LAT: variants seen among roughly 807,000 people sequenced by gnomAD.
LAT encodes the protein linker for activation of T-cells family member 1.
In LAT, 12 loss-of-function variants were observed where a neutral mutation model predicts 39.1. The observed-to-expected ratio is 0.31, with a 90% confidence interval of 0.20 to 0.50. LAT has a LOEUF of 0.50. Among genes scored for constraint, LAT ranks in the 20% least tolerant of loss-of-function variants. The pLI is 0.98. For synonymous variants in LAT, 117 were observed against 123.8 expected (o/e 0.95, Z 0.36); for missense variants, 253 against 308.0 (o/e 0.82, Z 1.34).
chr16:28,985,897 A>G lies in LAT; in HGVS notation c.163+9A>G. 6.2e-7 allele frequency: 1 copy of G among 1,614,010 alleles called. No homozygotes were observed. The highest frequency in any genetic ancestry group is 8.5e-7 in the Non-Finnish European group (1 of 1,179,902). On this transcript the variant is annotated intron_variant, in intron 3 of 11. Coordinates refer to ENST00000395456, the MANE Select transcript of LAT (RefSeq NM_001014987.2). This position sits in a 1 kb window ranked among gnomAD's most constrained non-coding sequence, Gnocchi z 4.6. ...CCAGTTCAAACGGCCTCGTGAGTAC[A>G]AGGAGGGTCCCCTACCTTGGGTGCC...
chr16:28,986,766 C>A lies in LAT; in HGVS notation c.399-33C>A. ...GTGAGGGCTGAGGCTGTGCGTCCCC[C>A]CTTGCTCACCGGCCCTTTTCACTTC... On this transcript the variant is annotated intron_variant, in intron 7 of 11. Coordinates refer to ENST00000395456, the MANE Select transcript of LAT (RefSeq NM_001014987.2). The surrounding 1 kb of genome is among the most constrained non-coding windows in gnomAD (Gnocchi z 5.7). The A allele has an allele frequency of 1.2e-6, 2 of 1,610,920 alleles. No homozygotes were observed. Among genetic ancestry groups the A allele is most frequent in the Non-Finnish European group, 1.7e-6 (2 of 1,178,152 alleles).
rs1039742239 is a variant in LAT at position 28,985,074 on chromosome 16, C to T, written c.-344C>T. On this transcript the variant is annotated 5_prime_UTR_variant, in exon 1 of 12. Transcript: ENST00000395456. The surrounding 1 kb of genome is among the most constrained non-coding windows in gnomAD (Gnocchi z 4.6). ...ACCACAGCTTCCTGCCGCAGGCGGG[C>T]GGGAGGGCGGGCACGGAGAGGCGGG... The T allele has an allele frequency of 4.3e-5, 61 of 1,422,388 alleles. No homozygotes were observed. Among genetic ancestry groups the T allele is most frequent in the Middle Eastern group, 2.6e-4 (1 of 3,846 alleles). The allele number at this position is 1,422,388 out of a possible 1,614,324, so 88.1% of individuals were successfully genotyped here. A position where few individuals can be genotyped will look rare whatever the true frequency, so the allele number is the denominator to read the frequency against.
At chr16:28,989,414 C>A in intron 8 of LAT, 113 bp from the exon 9 acceptor site, 1 of 880,248 alleles carries the variant, frequency 1.1e-6, no homozygotes, top group Non-Finnish European at 1.8e-6. Context: ...GTGTGGGAAG[C>A]CTCTGGGGTC....
chr16:28,989,601 G>A lies in LAT; in HGVS notation c.556+12G>A, dbSNP rs774640143. 4.4e-6 allele frequency: 7 copies of A among 1,605,116 alleles called. No individual in the cohort carries two copies. In the African/African-American group the frequency reaches 8.0e-5, roughly 18 times the overall value. On this transcript the variant is annotated intron_variant, in intron 9 of 11. Coordinates refer to ENST00000395456, the MANE Select transcript of LAT (RefSeq NM_001014987.2). The stretch of plus-strand genomic sequence containing the variant: ...AGAAGCGTCTCTGGGTGAGTGACCG[G>A]TGCTTGTCGGTGCCTGCCCCTGCAC...
chr16:28,990,436 C>A lies in LAT; in HGVS notation c.*255C>A. ...CCTACTCTGTGTAATAGAATAAAGG[C>A]CTGCGTGTGTCTGTGTTGAGCGTGC... On this transcript the variant is annotated 3_prime_UTR_variant, in exon 12 of 12. Transcript: ENST00000395456. The A allele has an allele frequency of 2.8e-6, 1 of 359,726 alleles. No homozygotes were observed. The highest frequency in any genetic ancestry group is 5.5e-6 in the Non-Finnish European group (1 of 182,354). 22.3% of individuals were successfully genotyped at this position (359,726 alleles called of 1,614,324 possible).
chr16:28,986,169 T>C lies in LAT; in HGVS notation c.198T>C (p.Pro66=), dbSNP rs1206229508. The stretch of plus-strand genomic sequence containing the variant: ...CCCCCTGGCCACCTGCCTACCCACC[T>C]GTCACCTCCTACCCACCCCTGAGCC... ...TVAPWPPAYP[P]VTSYPPLSQP... is the part of the protein sequence containing the mutation. The change falls in exon 4 of 12, where the codon CCT becomes CCC. Residue 66 remains proline (P), a synonymous_variant. Transcript: ENST00000395456. The surrounding 1 kb of genome is among the most constrained non-coding windows in gnomAD (Gnocchi z 5.7). 2 of 1,604,618 alleles carry C rather than the reference T, an allele frequency of 1.2e-6. No individual in the cohort carries two copies. Among genetic ancestry groups the C allele is most frequent in the South Asian group, 1.1e-5 (1 of 89,654 alleles).
chr16:28,984,907 G>T (rs535376435), upstream of LAT: 30 of 1,547,500 alleles, frequency 1.9e-5, 1 homozygote, highest in Admixed American at 2.2e-4. Context: ...CCCCGTCTTG[G>T]GGGGGGCCAG....
At position 28,989,849 on chromosome 16, in the gene LAT, G is replaced by T; in HGVS notation, c.622+10G>T. ...GCTAAGACTGAGCCTGGTGTGTTCTGCGGGAGGGGCAGGAGCTGGGGTAGC... is the reference window on the plus strand; with the variant it reads ...GCTAAGACTGAGCCTGGTGTGTTCTTCGGGAGGGGCAGGAGCTGGGGTAGC... On this transcript the variant is annotated intron_variant, in intron 10 of 11. Transcript: ENST00000395456. 2 of 1,614,172 alleles carry T rather than the reference G, an allele frequency of 1.2e-6. No homozygotes were observed. Among genetic ancestry groups the T allele is most frequent in the South Asian group, 2.2e-5 (2 of 91,086 alleles).
chr16:28,986,260 C>T lies in LAT; in HGVS notation c.245+44C>T, dbSNP rs766185217. 1 of 1,544,250 alleles carries T rather than the reference C, an allele frequency of 6.5e-7. No individual in the cohort carries two copies. The highest frequency in any genetic ancestry group is 1.2e-5 in the South Asian group (1 of 85,276). ...CCTGCCCCTCCAAAGCTCAGCCCCT[C>T]CCCCTCCAAACTCCACTCTCTACCC... On this transcript the variant is annotated intron_variant, in intron 4 of 11. Transcript: ENST00000395456. The surrounding 1 kb of genome is among the most constrained non-coding windows in gnomAD (Gnocchi z 5.7).
At position 28,986,197 on chromosome 16, in the gene LAT, C is replaced by G; in HGVS notation, c.226C>G (p.Pro76Ala). The change falls in exon 4 of 12, where the codon CCA becomes GCA. Residue 76 changes from proline (P) to alanine (A), a missense_variant. Pro to Ala is a conservative substitution (Grantham distance 27). Transcript: ENST00000395456. This position sits in a 1 kb window ranked among gnomAD's most constrained non-coding sequence, Gnocchi z 5.7. ...PVTSYPPLSQ[P>A]DLLPIPRSPQ... ...CACCTCCTACCCACCCCTGAGCCAG[C>G]CAGACCTGCTCCCCATCCCGTGAGT... The G allele has an allele frequency of 6.2e-7, 1 of 1,601,912 alleles. No individual in the cohort carries two copies. The highest frequency in any genetic ancestry group is 8.5e-7 in the Non-Finnish European group (1 of 1,173,594).
chr16:28,989,885 T>C (rs752247158), intron 10 of LAT, 46 bp downstream of exon 10: 1 of 1,613,870 alleles, frequency 6.2e-7, no homozygotes, highest in South Asian at 1.1e-5. Context: ...TGCTTTGGGC[T>C]TGGGGGGATA....
chr16:28,985,423 G>C lies in LAT; in HGVS notation c.6G>C (p.Glu2Asp), dbSNP rs1227761802. MEEAILVPCVLG... is the reference protein window; with the variant it reads MDEAILVPCVLG... ...TGCTCCGAGCTCCCCTGCAGATGGA[G>C]GAGGCCATCCTGGTCCCCTGCGTGC... The change falls in exon 1 of 12, where the codon GAG (glutamate) becomes GAC (aspartate). Residue 2 changes from glutamate to aspartate, a missense_variant. Coordinates refer to ENST00000395456, the MANE Select transcript of LAT (RefSeq NM_001014987.2). This position sits in a 1 kb window ranked among gnomAD's most constrained non-coding sequence, Gnocchi z 4.6. 2 of 1,613,662 alleles carry C rather than the reference G, an allele frequency of 1.2e-6. No homozygotes were observed. The highest frequency in any genetic ancestry group is 4.5e-5 in the East Asian group (2 of 44,880).
chr16:28,990,198 A>C lies in LAT; in HGVS notation c.*17A>C, dbSNP rs753133124. ...CCCTGGTGTGTTTCAGTGGAGGCCG[A>C]GTCTGTCCTGGAACCAGGCTTGCCT... On this transcript the variant is annotated 3_prime_UTR_variant, in exon 12 of 12. Coordinates refer to ENST00000395456, the MANE Select transcript of LAT (RefSeq NM_001014987.2). 1 of 714,324 alleles carries C rather than the reference A, an allele frequency of 1.4e-6. No individual in the cohort carries two copies. Among genetic ancestry groups the C allele is most frequent in the Non-Finnish European group, 2.5e-6 (1 of 397,030 alleles). The allele number at this position is 714,324 out of a possible 1,614,324, so 44.2% of individuals were successfully genotyped here.
chr16:28,989,865 C>A (rs751514242), intron 10 of LAT, 26 bp downstream of exon 10: 1 of 1,614,016 alleles, frequency 6.2e-7, no homozygotes, highest in Admixed American at 1.7e-5. Flanking sequence ...GGGGCAGGAG[C>A]TGGGGTAGCT....
At position 28,986,436 on chromosome 16, in the gene LAT, T is replaced by A; in HGVS notation, c.300T>A (p.Asp100Glu). Residue 100 changes from aspartate to glutamate, a missense_variant, in exon 5 of 12, where the codon GAT (aspartate) becomes GAA (glutamate). Transcript: ENST00000395456. The surrounding 1 kb of genome is among the most constrained non-coding windows in gnomAD (Gnocchi z 5.7). Reference sequence around the variant, plus strand: ...ACCGGACGCCATCTTCCCGGCGGGATTCTGATGGTGGTAAGTGTGGGGAAG... The same window carrying A: ...ACCGGACGCCATCTTCCCGGCGGGAATCTGATGGTGGTAAGTGTGGGGAAG... ...GSHRTPSSRR[D>E]SDGANSVASY... 1 of 1,613,812 alleles carries A rather than the reference T, an allele frequency of 6.2e-7. No individual in the cohort carries two copies. The highest frequency in any genetic ancestry group is 8.5e-7 in the Non-Finnish European group (1 of 1,179,992).
chr16:28,986,271 C>A lies in LAT; in HGVS notation c.245+55C>A. ...AAAGCTCAGCCCCTCCCCCTCCAAA[C>A]TCCACTCTCTACCCCTTCACTTTTT... is the stretch of plus-strand genomic sequence containing the variant. On this transcript the variant is annotated intron_variant, in intron 4 of 11. Coordinates refer to ENST00000395456, the MANE Select transcript of LAT (RefSeq NM_001014987.2). The surrounding 1 kb of genome is among the most constrained non-coding windows in gnomAD (Gnocchi z 5.7). The A allele has an allele frequency of 6.5e-7, 1 of 1,540,986 alleles. No homozygotes were observed. Among genetic ancestry groups the A allele is most frequent in the Non-Finnish European group, 8.9e-7 (1 of 1,126,962 alleles).
In LAT at chr16:28,989,545, A is replaced by C. The variant is rs773544697; in HGVS notation, c.512A>C (p.Tyr171Ser). The change falls in exon 9 of 12, where the codon TAC becomes TCC. Residue 171 changes from tyrosine (Y) to serine (S), a missense_variant. Physicochemically the swap from Tyr to Ser is moderately radical, Grantham distance 144 (BLOSUM62 -2). Transcript: ENST00000395456. ...TCCACAGTGGAGTCCATTGATGATT[A>C]CGTGAACGTTCCGGAGAGCGGGGAG... The part of the protein sequence containing the change: ...SAFSMESIDD[Y>S]VNVPESGESA... 1 of 1,610,868 alleles carries C rather than the reference A, an allele frequency of 6.2e-7. No individual in the cohort carries two copies. Among genetic ancestry groups the C allele is most frequent in the South Asian group, 1.1e-5 (1 of 90,592 alleles).
At chr16:28,984,834 C>T, upstream of LAT, 1 of 1,549,778 alleles carries the variant, frequency 6.5e-7, no homozygotes, top group Non-Finnish European at 8.7e-7. Context: ...CAGGGCCTCC[C>T]TGCTCGCTGC....
chr16:28,988,250 C>A (rs1425969351), intron 8 of LAT: 1 of 152,308 alleles, frequency 6.6e-6, no homozygotes, highest in East Asian at 1.9e-4. Flanking sequence ...TTGTGGGATA[C>A]AGGGTTTATC....
Sources: allele counts gnomAD v4.1 joint callset, GRCh38; gene constraint gnomAD v4.1.1; non-coding constraint Gnocchi (gnomAD v3.1); transcripts MANE v1.5; gene names NCBI Gene and HGNC (gene_info 2026-07-23, HGNC 2026-07-21).